Variants in ITGA9 observed in about 807,000 individuals in gnomAD.
ITGA9 encodes integrin subunit alpha 9.
A neutral mutation model predicts 127.8 loss-of-function variants in ITGA9; 56 were observed. That is an observed-to-expected ratio of 0.44 (90% CI 0.35 to 0.55). The LOEUF (loss-of-function observed/expected upper bound fraction) is 0.55, where lower values mean the gene tolerates loss of function less well. ITGA9 is among the 20% of genes least tolerant of loss of function. ITGA9 has a pLI of 0.00. For synonymous variants in ITGA9, 508 were observed against 514.5 expected, an observed-to-expected ratio of 0.99 and a Z score of 0.17; for missense variants, 1,196 against 1,347.1, an observed-to-expected ratio of 0.89 and a Z score of 1.76.
intron 5 of ITGA9, among the ~76,000 whole-genome samples, chr3:37,502,213 CTTTTTTTTTTTTT>C (rs910743416): frequency 1.8e-5 from 2 of 111,834 alleles, no homozygotes; most frequent in Non-Finnish European, 3.7e-5. Flanking sequence ...GTTCTTGAGT[CTTTTTTTTTTTTT>C]TTTTTTTTGG....
intron 3 of ITGA9, among the ~76,000 whole-genome samples, chr3:37,473,835 A>T (rs1423806230): frequency 2.0e-5 from 3 of 152,198 alleles, no homozygotes; most frequent in Non-Finnish European, 2.9e-5. Context: ...CCACTGAGAT[A>T]TAGAATATTT....
chr3:37,801,690 TC>T (rs1559602781), intron 26 of ITGA9, among the ~76,000 whole-genome samples: 1 of 151,978 alleles, frequency 6.6e-6, no homozygotes, highest in African/African-American at 2.4e-5. Flanking sequence ...CAAAAAAAAC[TC>T]CCTACAATGA....
intron 13 of ITGA9, among the ~76,000 whole-genome samples, chr3:37,529,621 C>A (rs1165378579): frequency 6.6e-6 from 1 of 152,198 alleles, no homozygotes; most frequent in Non-Finnish European, 1.5e-5. Context: ...CGTCTTTGAG[C>A]CATTTTCTGG....
Position 37,806,429 on chromosome 3 carries a change from C to T in ITGA9, c.3009+2487C>T, listed in dbSNP as rs773461577. The T allele has an allele frequency of 5.9e-5, 9 of 152,180 alleles. No individual in the cohort carries two copies. Among genetic ancestry groups the T allele is most frequent in the South Asian group, 2.1e-4 (1 of 4,812 alleles). The allele number at this position is 152,180 out of a possible 1,614,324, so 9.4% of individuals were successfully genotyped here. A position where few individuals can be genotyped will look rare whatever the true frequency, so the allele number is the denominator to read the frequency against. On this transcript the variant is annotated intron_variant, in intron 27 of 27. Transcript: ENST00000264741. The surrounding 1 kb of genome is among the most constrained non-coding windows in gnomAD (Gnocchi z 4.3). Reference sequence around the variant, plus strand: ...GGCACAGAGTGGGGAGTGTTGTGGCCGTGCCCCACTTCCCCTTATAGTCTG... The same window carrying T: ...GGCACAGAGTGGGGAGTGTTGTGGCTGTGCCCCACTTCCCCTTATAGTCTG...
At chr3:37,491,681 C>A (rs560096839) in intron 4 of ITGA9, among the ~76,000 whole-genome samples, 41 of 152,324 alleles carry the variant, frequency 2.7e-4, no homozygotes, top group Admixed American at 1.0e-3. Context: ...TACCTCACTT[C>A]CCATAGCTTT....
rs1559524816 is a variant in ITGA9, at chr3:37,512,121, T to TTCCTTCC, written c.898-1641_898-1640insCCTTCCT. ...CCTTCCTTCCTTCCTTCCTTCCTTCTTTCTTTTCTTTTCTTTTCTTTTCTT... is the reference window on the plus strand; with the variant it reads ...CCTTCCTTCCTTCCTTCCTTCCTTCTTCCTTCCTTCTTTTCTTTTCTTTTCTTTTCTT... On this transcript the variant is annotated intron_variant, in intron 8 of 27. Coordinates refer to ENST00000264741, the MANE Select transcript of ITGA9 (RefSeq NM_002207.3). Among the ~76,000 whole-genome samples the TTCCTTCC allele has an allele frequency of 3.1e-4, 4 of 12,796 alleles. 1 individual carries two copies. The highest frequency in any genetic ancestry group is 6.5e-4 in the African/African-American group (3 of 4,626). The allele number at this position is 12,796 out of a possible 152,430, so 8.4% of individuals were successfully genotyped here. A position where few individuals can be genotyped will look rare whatever the true frequency, so the allele number is the denominator to read the frequency against.
chr3:37,523,718 C>T, intron 12 of ITGA9, 107 bp downstream of exon 12: 1 of 809,942 alleles, frequency 1.2e-6, no homozygotes, highest in Non-Finnish European at 2.2e-6. Flanking sequence ...AGGATTAGGA[C>T]AATTCACACA....
At chr3:37,596,720 G>A (rs1211323016) in intron 15 of ITGA9, among the ~76,000 whole-genome samples, 1 of 152,156 alleles carries the variant, frequency 6.6e-6, no homozygotes, top group Non-Finnish European at 1.5e-5. Flanking sequence ...AAGGGGTCTG[G>A]GGCCAGCGGA....
intron 1 of ITGA9, among the ~76,000 whole-genome samples, chr3:37,469,093 G>A (rs1698401300): frequency 6.6e-6 from 1 of 152,176 alleles, no homozygotes; most frequent in Admixed American, 6.5e-5. Flanking sequence ...GTAACATCTG[G>A]AGGGGAGCTT....
chr3:37,558,917 G>A (rs1027736917), intron 15 of ITGA9, among the ~76,000 whole-genome samples: 2 of 152,208 alleles, frequency 1.3e-5, no homozygotes, highest in African/African-American at 2.4e-5. Context: ...TCCCCAGGGT[G>A]GGCTGTGGGC....
chr3:37,662,646 ATGT>A (rs773479093), intron 17 of ITGA9, among the ~76,000 whole-genome samples: 2 of 152,114 alleles, frequency 1.3e-5, no homozygotes, highest in Non-Finnish European at 2.9e-5. Flanking sequence ...CTTATGAGAG[ATGT>A]TGTGCTGATT....
chr3:37,512,184 CTTTTCTTTTCTTTTCTTTTCT>C (rs1559524951), intron 8 of ITGA9, among the ~76,000 whole-genome samples: 217 of 21,174 alleles, frequency 0.01, 9 homozygotes, highest in East Asian at 0.065. Flanking sequence ...CTTTTCTTTT[CTTTTCTTTTCTTTTCTTTTCT>C]TTTCTTTCTT....
chr3:37,638,332 T>A (rs939065688), intron 16 of ITGA9, among the ~76,000 whole-genome samples: 8 of 152,020 alleles, frequency 5.3e-5, no homozygotes, highest in Admixed American at 4.6e-4. Flanking sequence ...ACCATGTGAT[T>A]CTTTGGTTGA....
At chr3:37,718,319 G>A (rs779461120) in intron 18 of ITGA9, among the ~76,000 whole-genome samples, 2 of 152,204 alleles carry the variant, frequency 1.3e-5, no homozygotes, top group Non-Finnish European at 2.9e-5. Context: ...AGGCACCCAT[G>A]TTGGAGCCAG....
intron 15 of ITGA9, among the ~76,000 whole-genome samples, chr3:37,576,185 G>T (rs2125607396): frequency 6.6e-6 from 1 of 152,318 alleles, no homozygotes. Flanking sequence ...GGAGGACATA[G>T]CTGGTAATGA....
intron 23 of ITGA9, among the ~76,000 whole-genome samples, chr3:37,774,717 C>A (rs189689299): frequency 0.018 from 2,358 of 132,996 alleles, 62 homozygotes; most frequent in African/African-American, 0.059. Context: ...ACCCTGTCTC[C>A]AAAAAAAAAA....
chr3:37,760,454 G>A (rs1050401795), intron 23 of ITGA9, among the ~76,000 whole-genome samples: 1 of 152,136 alleles, frequency 6.6e-6, no homozygotes, highest in Non-Finnish European at 1.5e-5. Context: ...GAGGCCTTTG[G>A]TGTGCTTTGT....
chr3:37,535,493 A>G (rs1699199230), intron 14 of ITGA9, among the ~76,000 whole-genome samples: 1 of 152,176 alleles, frequency 6.6e-6, no homozygotes, highest in African/African-American at 2.4e-5. Context: ...ACTGCTAAGC[A>G]TAATTAGAAT....
chr3:37,583,184 C>A (rs982190725), intron 15 of ITGA9, among the ~76,000 whole-genome samples: 4 of 152,112 alleles, frequency 2.6e-5, no homozygotes, highest in African/African-American at 9.7e-5. Flanking sequence ...AATATATATT[C>A]TTGGTTTAGA....
Sources: gnomAD v4.1 joint callset for allele counts (sites outside exome capture counted in the v4.1 genomes callset) on GRCh38, gnomAD v4.1.1 for gene constraint, Gnocchi (gnomAD v3.1) non-coding constraint, MANE v1.5 for transcripts, NCBI Gene and HGNC (gene_info 2026-07-23, HGNC 2026-07-21) for gene names.